PCCA: variants seen among roughly 807,000 people sequenced by gnomAD.
PCCA encodes the protein propionyl-CoA carboxylase alpha chain, mitochondrial.
Under a neutral mutation model 101.3 loss-of-function variants are expected in PCCA, and 74 were observed. That is an observed-to-expected ratio of 0.73 (90% CI 0.61 to 0.89). The LOEUF is 0.89. Among genes scored for constraint, PCCA ranks in the 40% least tolerant of loss-of-function variants. The pLI, the probability that PCCA is intolerant of heterozygous loss-of-function variation, is 0.00. For missense variants in PCCA, 891 were observed against 907.0 expected, an observed-to-expected ratio of 0.98 and a Z score of 0.23; for synonymous variants, 294 against 313.6, an observed-to-expected ratio of 0.94 and a Z score of 0.66.
intron 7 of PCCA, among the ~76,000 whole-genome samples, chr13:100,218,584 C>T (rs1237867093): frequency 6.6e-6 from 1 of 152,162 alleles, no homozygotes; most frequent in African/African-American, 2.4e-5. Context: ...GTCAGGCATC[C>T]AAACCTTTAT....
chr13:100,174,395 A>G (rs1012881853), intron 6 of PCCA, among the ~76,000 whole-genome samples: 1 of 150,038 alleles, frequency 6.7e-6, no homozygotes, highest in Non-Finnish European at 1.5e-5. Flanking sequence ...GTTTTATAGT[A>G]TAATATTTGT....
At chr13:100,511,164 C>T (rs1238657055) in intron 21 of PCCA, among the ~76,000 whole-genome samples, 1 of 152,222 alleles carries the variant, frequency 6.6e-6, no homozygotes, top group Non-Finnish European at 1.5e-5. Flanking sequence ...AAGTCTCATT[C>T]CACTGAACTG....
intron 10 of PCCA, among the ~76,000 whole-genome samples, chr13:100,268,403 T>C (rs1289465939): frequency 6.6e-6 from 1 of 152,234 alleles, no homozygotes; most frequent in Non-Finnish European, 1.5e-5. Context: ...CTCAGTGTCC[T>C]TCACAAAATT....
At chr13:100,366,751 G>A (rs954024937) in intron 18 of PCCA, among the ~76,000 whole-genome samples, 3 of 151,504 alleles carry the variant, frequency 2.0e-5, no homozygotes, top group Non-Finnish European at 4.4e-5. Flanking sequence ...AGAAAGAATC[G>A]TCAAGGCCTG....
chr13:100,275,977 C>T (rs2063626386), intron 12 of PCCA, among the ~76,000 whole-genome samples: 1 of 152,028 alleles, frequency 6.6e-6, no homozygotes, highest in Admixed American at 6.6e-5. Flanking sequence ...CTTTCTTTGT[C>T]TTTGTTTCTG....
intron 20 of PCCA, among the ~76,000 whole-genome samples, chr13:100,429,991 A>G (rs1042615105): frequency 1.3e-5 from 2 of 152,106 alleles, no homozygotes; most frequent in South Asian, 4.2e-4. Context: ...AAAAAAAGAA[A>G]ACAGGCTGGT....
chr13:100,151,124 C>A (rs530589411), intron 4 of PCCA: 9 of 1,111,862 alleles, frequency 8.1e-6, no homozygotes, highest in Non-Finnish European at 1.1e-5. Context: ...TGCTGCCAGA[C>A]GGAAGAAAAG....
At chr13:100,361,687 T>A (rs1193518297) in intron 18 of PCCA, among the ~76,000 whole-genome samples, 3 of 152,132 alleles carry the variant, frequency 2.0e-5, no homozygotes, top group Non-Finnish European at 2.9e-5. Context: ...GAAATATACA[T>A]GAAACTATGA....
At chr13:100,510,476 T>G (rs1056251326) in intron 21 of PCCA, among the ~76,000 whole-genome samples, 1 of 152,234 alleles carries the variant, frequency 6.6e-6, no homozygotes, top group Non-Finnish European at 1.5e-5. Context: ...GAAGTGGGCC[T>G]GCTTTGTACC....
At chr13:100,187,482 C>T (rs9585373) in intron 6 of PCCA, among the ~76,000 whole-genome samples, 2,331 of 152,144 alleles carry the variant, frequency 0.015, 50 homozygotes, top group African/African-American at 0.053. Flanking sequence ...TATATGAGGT[C>T]TGGATGACCT....
At chr13:100,273,404 C>A in intron 12 of PCCA, 58 bp downstream of exon 12, 1 of 1,379,924 alleles carries the variant, frequency 7.2e-7, no homozygotes, top group South Asian at 1.2e-5. Context: ...CTTCCTTCTC[C>A]ACCCTTTTTT....
At chr13:100,474,446 C>CTG (rs1386629988) in intron 21 of PCCA, among the ~76,000 whole-genome samples, 84 of 120,118 alleles carry the variant, frequency 7.0e-4, no homozygotes, top group African/African-American at 2.1e-3. Flanking sequence ...CTGTTTCTCT[C>CTG]TCTCTCTCTC....
chr13:100,493,101 T>C (rs1596162185), intron 21 of PCCA, among the ~76,000 whole-genome samples: 1 of 152,300 alleles, frequency 6.6e-6, no homozygotes, highest in East Asian at 1.9e-4. Flanking sequence ...AAAAGAGCAT[T>C]AATTGTAACA....
rs147481972 is a variant in PCCA at position 100,159,703 on chromosome 13, A to G, written c.468+2363A>G. ...TCACACGAGTTTTCTTTCCAAACCT[A>G]TTTCCCCATTTCCCTTTTATCAGTG... is the stretch of plus-strand genomic sequence containing the variant. On this transcript the variant is annotated intron_variant, in intron 6 of 23. Coordinates refer to ENST00000376285, the MANE Select transcript of PCCA (RefSeq NM_000282.4). Among the ~76,000 whole-genome samples the G allele has an allele frequency of 4.1e-3, 627 of 152,100 alleles. 4 individuals carry two copies. The highest frequency in any genetic ancestry group is 0.01 in the Middle Eastern group (3 of 294).
At chr13:100,517,981 C>T (rs995160590) in intron 22 of PCCA, among the ~76,000 whole-genome samples, 6 of 152,074 alleles carry the variant, frequency 3.9e-5, no homozygotes, top group African/African-American at 9.7e-5. Flanking sequence ...TGAAATTTTG[C>T]GGTTTTAAGT....
At chr13:100,293,933 T>G (rs1219479228) in intron 12 of PCCA, among the ~76,000 whole-genome samples, 1 of 152,228 alleles carries the variant, frequency 6.6e-6, no homozygotes, top group African/African-American at 2.4e-5. Context: ...TTCTGGACTC[T>G]TTTTATCTAT....
intron 21 of PCCA, among the ~76,000 whole-genome samples, chr13:100,511,945 G>A (rs2086514519): frequency 6.6e-6 from 1 of 152,212 alleles, no homozygotes; most frequent in Admixed American, 6.5e-5. Flanking sequence ...AGTGGAGTGT[G>A]TCTCAAAGTG....
intron 7 of PCCA, among the ~76,000 whole-genome samples, chr13:100,233,037 A>G (rs951060249): frequency 6.6e-6 from 1 of 152,022 alleles, no homozygotes; most frequent in Non-Finnish European, 1.5e-5. Context: ...GTTTTTCAGA[A>G]TTTTTTTCTT....
At chr13:100,158,789 C>T (rs2054133541) in intron 6 of PCCA, among the ~76,000 whole-genome samples, 2 of 152,046 alleles carry the variant, frequency 1.3e-5, no homozygotes, top group African/African-American at 4.8e-5. Context: ...CATGCTCTTT[C>T]ATTTATGCAT....
Sources: gnomAD v4.1 joint callset for allele counts (sites outside exome capture counted in the v4.1 genomes callset) on GRCh38, gnomAD v4.1.1 for gene constraint, MANE v1.5 for transcripts, NCBI Gene and HGNC (gene_info 2026-07-23, HGNC 2026-07-21) for gene names.